ALPG: variants seen among roughly 807,000 people sequenced by gnomAD.
ALPG encodes the protein alkaline phosphatase, germ cell.
Under a neutral mutation model 48.6 loss-of-function variants are expected in ALPG, and 32 were observed. The ratio of observed to expected loss-of-function variants is 0.66; its 90% CI spans 0.50 to 0.88. The LOEUF is 0.88. Ranked by LOEUF, ALPG falls within the 40% of genes least tolerant of loss-of-function variation. The pLI, the probability that ALPG is intolerant of heterozygous loss-of-function variation, is 0.00. For missense variants in ALPG, 533 were observed against 718.1 expected (o/e 0.74, Z 2.95); for synonymous variants, 244 against 308.9 (o/e 0.79, Z 2.20).
rs1575054340 is a variant in ALPG at position 232,407,602 on chromosome 2, T to C, written c.309T>C (p.Ser103=). 11 of 1,613,734 alleles carry C rather than the reference T, an allele frequency of 6.8e-6. No individual in the cohort carries two copies. The East Asian group carries it at 1.3e-4, about 20-fold the overall frequency. The change falls in exon 4 of 11, where the codon AGT becomes AGC. Residue 103 remains serine, a synonymous_variant. Transcript: ENST00000295453. ...FPYVALSKTY[S]VDKHVPDSGA... Reference sequence around the variant, plus strand: ...AGTGTCTCTGTCCCCAGACATACAGTGTAGACAAGCATGTGCCAGACAGTG... The same window carrying C: ...AGTGTCTCTGTCCCCAGACATACAGCGTAGACAAGCATGTGCCAGACAGTG...
Position 232,409,689 on chromosome 2 carries a change from G to A in ALPG, c.1416G>A (p.Gln472=). 6.2e-7 allele frequency: 1 copy of A among 1,611,552 alleles called. No homozygotes were observed. ...AGGCGCACCTGGTTCACGGCGTGCA[G>A]GAGCAGACCTTCATAGCGCACGTCA... ...GPQAHLVHGV[Q]EQTFIAHVMA... is the part of the protein sequence containing the mutation. Residue 472 remains glutamine, a synonymous_variant, in exon 11 of 11, where the codon CAG becomes CAA. Transcript: ENST00000295453.
rs529459697 is a variant in ALPG, at chr2:232,407,901, G to A, written c.532G>A (p.Ala178Thr). ...GGTGCAGCATGCCTCGCCAGCCGGC[G>A]CCTACGCCCACACGGTGAACCGCAA... ...TRVQHASPAG[A>T]YAHTVNRNWY... is the part of the protein sequence containing the mutation. Residue 178 changes from alanine to threonine, a missense_variant, in exon 5 of 11, where the codon GCC (alanine) becomes ACC (threonine). Transcript: ENST00000295453. 163 of 1,613,438 alleles carry A rather than the reference G, an allele frequency of 1.0e-4. 1 individual carries two copies. In the East Asian group the frequency reaches 2.4e-3, roughly 24 times the overall value.
rs1263555021 is a variant in ALPG, at chr2:232,408,030, G to T, written c.648+13G>T. 1 of 1,603,670 alleles carries T rather than the reference G, an allele frequency of 6.2e-7. No individual in the cohort carries two copies. The highest frequency in any genetic ancestry group is 1.3e-5 in the African/African-American group (1 of 74,870). On this transcript the variant is annotated intron_variant, in intron 5 of 10. Coordinates refer to ENST00000295453, the MANE Select transcript of ALPG (RefSeq NM_031313.3). ...CATGGACATTGATGTGCGACCCCCG[G>T]GCCAAGGGCTGGGGCTGGGCAGAGA...
In ALPG at chr2:232,409,681, G is replaced by C; in HGVS notation, c.1408G>C (p.Gly470Arg). 1 of 1,611,442 alleles carries C rather than the reference G, an allele frequency of 6.2e-7. No individual in the cohort carries two copies. Among genetic ancestry groups the C allele is most frequent in the Non-Finnish European group, 8.5e-7 (1 of 1,179,174 alleles). Residue 470 changes from glycine (G) to arginine (R), a missense_variant, in exon 11 of 11, where the codon GGC becomes CGC. By Grantham distance (125) the Gly-to-Arg change is moderately radical (BLOSUM62 -2). Transcript: ENST00000295453. Reference protein sequence around the residue: ...ARGPQAHLVHGVQEQTFIAHV... With the variant: ...ARGPQAHLVHRVQEQTFIAHV... The stretch of plus-strand genomic sequence containing the variant: ...CGGCCCGCAGGCGCACCTGGTTCAC[G>C]GCGTGCAGGAGCAGACCTTCATAGC...
chr2:232,406,894 C>A lies in ALPG; in HGVS notation c.-1C>A. On this transcript the variant is annotated 5_prime_UTR_variant, in exon 1 of 11. Coordinates refer to ENST00000295453, the MANE Select transcript of ALPG (RefSeq NM_031313.3). ...TCGCCGCTCTCCGACTGCTTCCAGACATGCAGGGGCCCTGGGTGCTGCTCC... is the reference window on the plus strand; with the variant it reads ...TCGCCGCTCTCCGACTGCTTCCAGAAATGCAGGGGCCCTGGGTGCTGCTCC... 6.2e-7 allele frequency: 1 copy of A among 1,611,440 alleles called. No individual in the cohort carries two copies. The highest frequency in any genetic ancestry group is 8.5e-7 in the Non-Finnish European group (1 of 1,179,182).
intron 6 of ALPG, 33 bp from the exon 7 acceptor site, chr2:232,408,468 T>C (rs776421043): frequency 1.3e-6 from 2 of 1,584,260 alleles, no homozygotes; most frequent in South Asian, 1.1e-5. Flanking sequence ...CTCGGGGCTG[T>C]GGGCTGAGGC....
chr2:232,407,261 G>A (rs1267796929), intron 2 of ALPG, 25 bp from the exon 3 acceptor site: 1 of 1,613,938 alleles, frequency 6.2e-7, no homozygotes, highest in South Asian at 1.1e-5. Context: ...TGGGGAGCAA[G>A]CCTCACACAC....
rs773911618 is a variant in ALPG, at chr2:232,407,092, G to T, written c.103G>T (p.Ala35Ser). The T allele has an allele frequency of 6.2e-7, 1 of 1,613,836 alleles. No individual in the cohort carries two copies. Among genetic ancestry groups the T allele is most frequent in the South Asian group, 1.1e-5 (1 of 90,970 alleles). Residue 35 changes from alanine (A) to serine (S), a missense_variant, in exon 2 of 11, where the codon GCA (alanine) becomes TCA (serine). Physicochemically the swap from Ala to Ser is moderately conservative, Grantham distance 99. This residue lies in a region of ALPG where 315 missense variants were observed against 305.8 expected (regional missense o/e 1.03). Transcript: ENST00000295453. ...EENPDFWNRQ[A>S]AEALGAAKKL... ...GAACCCGGACTTCTGGAACCGCCAG[G>T]CAGCCGAGGCCCTGGGTGCCGCCAA...
chr2:232,407,929 G>A lies in ALPG; in HGVS notation c.560G>A (p.Trp187Ter). Residue 187 changes from tryptophan to a stop codon, truncating the protein, a stop_gained, in exon 5 of 11, where the codon TGG becomes TAG. Coordinates refer to ENST00000295453, the MANE Select transcript of ALPG (RefSeq NM_031313.3). LOFTEE classifies it high-confidence loss of function. The part of the protein sequence containing the change: ...GAYAHTVNRN[W>*]YSDADVPASA... ...TACGCCCACACGGTGAACCGCAACT[G>A]GTACTCGGATGCCGACGTGCCTGCC... 1 of 1,613,468 alleles carries A rather than the reference G, an allele frequency of 6.2e-7. No homozygotes were observed. Among genetic ancestry groups the A allele is most frequent in the Non-Finnish European group, 8.5e-7 (1 of 1,180,010 alleles).
chr2:232,408,305 G>A lies in ALPG; in HGVS notation c.687G>A (p.Met229Ile). The A allele has an allele frequency of 6.2e-7, 1 of 1,613,518 alleles. No individual in the cohort carries two copies. The highest frequency in any genetic ancestry group is 8.5e-7 in the Non-Finnish European group (1 of 1,179,826). ...GAGGCCGAAAGTACATGTTTCCCAT[G>A]GGGACCCCAGACCCTGAGTACCCAG... ...LGGGRKYMFP[M>I]GTPDPEYPDD... is the part of the protein sequence containing the mutation. The change falls in exon 6 of 11, where the codon ATG becomes ATA. Residue 229 changes from methionine (M) to isoleucine (I), a missense_variant. Physicochemically the swap from Met to Ile is conservative, Grantham distance 10 (BLOSUM62 1). Around this residue, in one of 6 missense-constraint regions of ALPG, gnomAD observed 40 missense variants for 74.5 expected, o/e 0.54. Transcript: ENST00000295453.
rs777917631 is a variant in ALPG, at chr2:232,406,981, T to G, written c.67+20T>G. ...TCCCAGGTAATGAGGCTCCCCCAGC[T>G]GCCCCTACACACACACACACACACA... On this transcript the variant is annotated intron_variant, in intron 1 of 10. Transcript: ENST00000295453. 6 of 1,584,222 alleles carry G rather than the reference T, an allele frequency of 3.8e-6. No individual in the cohort carries two copies. The highest frequency in any genetic ancestry group is 5.1e-6 in the Non-Finnish European group (6 of 1,167,952).
rs373078876 is a variant in ALPG, at chr2:232,406,932, GGCTACA to G, written c.42_47del (p.Gln15_Leu16del). 7.1e-5 allele frequency: 115 copies of G among 1,612,944 alleles called. No individual in the cohort carries two copies. In the African/African-American group the frequency reaches 1.4e-3, roughly 20 times the overall value. On this transcript the variant is annotated inframe_deletion, in exon 1 of 11. Coordinates refer to ENST00000295453, the MANE Select transcript of ALPG (RefSeq NM_031313.3). ...TGGGTGCTGCTCCTGCTGGGCCTGAGGCTACAGCTCTCCCTGGGCATCATCCCAGGT... is the reference window on the plus strand; with the variant it reads ...TGGGTGCTGCTCCTGCTGGGCCTGAGGCTCTCCCTGGGCATCATCCCAGGT...
rs1280576595 is a variant in ALPG, at chr2:232,408,795, C to T, written c.948C>T (p.Leu316=). Reference sequence around the variant, plus strand: ...TGGAGATGACAGAGGCTGCCCTGCTCCTGCTGAGCAGGAACCCCCGCGGCT... The same window carrying T: ...TGGAGATGACAGAGGCTGCCCTGCTTCTGCTGAGCAGGAACCCCCGCGGCT... The part of the protein sequence containing the change: ...SLMEMTEAAL[L]LLSRNPRGFF... The change falls in exon 8 of 11, where the codon CTC becomes CTT. Residue 316 remains leucine, a synonymous_variant. Transcript: ENST00000295453. The T allele has an allele frequency of 2.6e-6, 2 of 773,324 alleles. 1 individual carries two copies. The highest frequency in any genetic ancestry group is 5.9e-5 in the African/African-American group (2 of 34,118). 47.9% of individuals were successfully genotyped at this position (773,324 alleles called of 1,614,324 possible).
In ALPG at chr2:232,410,016, T is replaced by A; in HGVS notation, c.*144T>A. Reference sequence around the variant, plus strand: ...CTGCCATGGAACCTTCCCCTCCCGGTGCACCCTGGGGACCGAGCCCTTGAC... The same window carrying A: ...CTGCCATGGAACCTTCCCCTCCCGGAGCACCCTGGGGACCGAGCCCTTGAC... On this transcript the variant is annotated 3_prime_UTR_variant, in exon 11 of 11. Transcript: ENST00000295453. 7.8e-7 allele frequency: 1 copy of A among 1,289,144 alleles called. No homozygotes were observed. The highest frequency in any genetic ancestry group is 1.0e-6 in the Non-Finnish European group (1 of 966,480). The allele number at this position is 1,289,144 out of a possible 1,614,324, so 79.9% of individuals were successfully genotyped here.
intron 9 of ALPG, 50 bp downstream of exon 9, chr2:232,409,162 A>T: frequency 2.9e-6 from 2 of 695,054 alleles, no homozygotes; most frequent in African/African-American, 1.8e-5. Flanking sequence ...AAGTGGGTGA[A>T]ATCTGAGCCT....
chr2:232,406,853 A>T lies in ALPG; in HGVS notation c.-42A>T. 1.3e-6 allele frequency: 2 copies of T among 1,590,940 alleles called. No homozygotes were observed. The highest frequency in any genetic ancestry group is 1.7e-6 in the Non-Finnish European group (2 of 1,169,642). ...GCCTGGAGTGCAGCTCATACTCCAT[A>T]CCTGGGATTTCCGCCTCGCCGCTCT... On this transcript the variant is annotated 5_prime_UTR_variant, in exon 1 of 11. Transcript: ENST00000295453.
At position 232,409,977 on chromosome 2, in the gene ALPG, G is replaced by C. The variant is rs567532177; in HGVS notation, c.*105G>C. On this transcript the variant is annotated 3_prime_UTR_variant, in exon 11 of 11. Transcript: ENST00000295453. ...ACCTGGAGCTGTCACCCCCGGAGTC[G>C]CCACACAGACGTCCTGCCATGGAAC... The C allele has an allele frequency of 2.1e-6, 3 of 1,433,740 alleles. No homozygotes were observed. The East Asian group carries it at 7.5e-5, about 36-fold the overall frequency. 88.8% of individuals were successfully genotyped at this position (1,433,740 alleles called of 1,614,324 possible).
At position 232,407,365 on chromosome 2, in the gene ALPG, G is replaced by A; in HGVS notation, c.264G>A (p.Leu88=). The change falls in exon 3 of 11, where the codon CTG becomes CTA. Residue 88 remains leucine, a synonymous_variant. Transcript: ENST00000295453. The part of the protein sequence containing the change: ...KKDKLGPETF[L]AMDRFPYVAL... ...ACAAACTGGGGCCTGAGACCTTCCT[G>A]GCCATGGACCGCTTCCCGTACGTGG... 1 of 1,613,902 alleles carries A rather than the reference G, an allele frequency of 6.2e-7. No individual in the cohort carries two copies. Among genetic ancestry groups the A allele is most frequent in the South Asian group, 1.1e-5 (1 of 90,960 alleles).
chr2:232,410,084 A>T lies in ALPG; in HGVS notation c.*212A>T. 1 of 761,950 alleles carries T rather than the reference A, an allele frequency of 1.3e-6. No individual in the cohort carries two copies. The highest frequency in any genetic ancestry group is 2.0e-6 in the Non-Finnish European group (1 of 490,826). 47.2% of individuals were successfully genotyped at this position (761,950 alleles called of 1,614,324 possible). ...ATCTTGCTCTTGAAATTTTGGCCCC[A>T]ACTCCAGGGACTGGGGATTTGTGCC... is the stretch of plus-strand genomic sequence containing the variant. On this transcript the variant is annotated 3_prime_UTR_variant, in exon 11 of 11. Transcript: ENST00000295453.
Sources: gnomAD v4.1 joint callset for allele counts on GRCh38, gnomAD v4.1.1 for gene constraint, gnomAD v4.1.1 regional missense constraint, MANE v1.5 for transcripts, NCBI Gene and HGNC (gene_info 2026-07-23, HGNC 2026-07-21) for gene names.